The following IDUA variants were observed in gnomAD, a reference collection of about 807,000 sequenced individuals.
IDUA encodes the protein iduronidase alpha-L-.
IDUA carries 65 observed loss-of-function variants against 68.9 expected under a neutral mutation model. The observed-to-expected ratio is 0.94, with a 90% confidence interval of 0.77 to 1.16. The LOEUF is 1.16. Among genes scored for constraint, IDUA ranks in the 50% most tolerant of loss-of-function variants. The pLI is 0.00. For missense variants in IDUA, 1,046 were observed against 938.0 expected, an observed-to-expected ratio of 1.12 and a Z score of -1.50; for synonymous variants, 529 against 433.6, an observed-to-expected ratio of 1.22 and a Z score of -2.73.
intron 2 of IDUA, among the ~76,000 whole-genome samples, chr4:996,789 A>T (rs1398325881): frequency 6.6e-6 from 1 of 152,130 alleles, no homozygotes; most frequent in Non-Finnish European, 1.5e-5. Flanking sequence ...CCAGGCCCAG[A>T]GGCTGAGTGC....
chr4:1,002,180 C>G lies in IDUA; in HGVS notation c.972+19C>G. On this transcript the variant is annotated intron_variant, in intron 7 of 13. Transcript: ENST00000514224. ...GGTGAAGGTGGGCCGGCCCAACGCC[C>G]TGCGCGCCCCCCGGCCACCTTCCTC... 1 of 1,558,644 alleles carries G rather than the reference C, an allele frequency of 6.4e-7. No homozygotes were observed. Among genetic ancestry groups the G allele is most frequent in the South Asian group, 1.2e-5 (1 of 85,046 alleles).
intron 2 of IDUA, chr4:992,065 T>G: frequency 3.7e-6 from 2 of 545,686 alleles, no homozygotes; most frequent in Non-Finnish European, 7.1e-6. Flanking sequence ...GGTTCCTGGC[T>G]GAAAACCACC....
At chr4:988,008 G>T in intron 2 of IDUA, 59 bp downstream of exon 2, 1 of 1,518,124 alleles carries the variant, frequency 6.6e-7, no homozygotes, top group South Asian at 1.2e-5. Context: ...CAGATGGGAG[G>T]GGAGGGCTGG....
At chr4:991,895 G>C in intron 2 of IDUA, 2 of 1,252,868 alleles carry the variant, frequency 1.6e-6, no homozygotes, top group South Asian at 2.6e-5. Flanking sequence ...CCCCTGCCCG[G>C]TATGGATGGA....
chr4:997,836 C>G (rs983610686), intron 2 of IDUA, among the ~76,000 whole-genome samples: 2 of 152,208 alleles, frequency 1.3e-5, no homozygotes, highest in Non-Finnish European at 2.9e-5. Context: ...CCCCTCGCTG[C>G]GAGGCTGGCC....
At chr4:987,630 T>TC in intron 1 of IDUA, 179 bp from the exon 2 acceptor site, 1 of 1,444,162 alleles carries the variant, frequency 6.9e-7, no homozygotes, top group South Asian at 1.4e-5. Context: ...CTGCTGCCGT[T>TC]CCCCATGAAG....
rs531374958 is a variant in IDUA, at chr4:987,932, G to A, written c.282G>A (p.Leu94=). Residue 94 remains leucine (L), a synonymous_variant, in exon 2 of 14, where the codon CTG becomes CTA. Coordinates refer to ENST00000514224, the MANE Select transcript of IDUA (RefSeq NM_000203.5). ...GIKQVRTHWL[L]ELVTTRGSTG... ...AGCAGGTCCGGACCCACTGGCTGCT[G>A]GAGCTTGTCACCACCAGGTGGGCGG... 5 of 1,589,994 alleles carry A rather than the reference G, an allele frequency of 3.1e-6. No individual in the cohort carries two copies. The East Asian group carries it at 6.9e-5, about 22-fold the overall frequency.
chr4:991,722 G>A (rs755113246), intron 2 of IDUA: 17 of 1,534,030 alleles, frequency 1.1e-5, no homozygotes, highest in Middle Eastern at 1.7e-4. Context: ...GTCAGGTCCC[G>A]TGGCCGACCT....
At chr4:999,220 A>G (rs1325932212) in intron 2 of IDUA, among the ~76,000 whole-genome samples, 5 of 150,798 alleles carry the variant, frequency 3.3e-5, no homozygotes, top group African/African-American at 9.8e-5. Context: ...AAAAAAAAAG[A>G]AAAAAGAAAA....
intron 2 of IDUA, among the ~76,000 whole-genome samples, chr4:998,486 C>T (rs62294520): frequency 0.025 from 3,766 of 152,250 alleles, 71 homozygotes; most frequent in East Asian, 0.037. Flanking sequence ...CACTGCCCCA[C>T]GGGCAGCTGT....
rs931036148 is a variant in IDUA, at chr4:987,628, G to A, written c.159-181G>A. ...GGCCCCTCGTCTTACTGCTGCTGCC[G>A]TTCCCCATGAAGATGGGACCTCCCC... is the stretch of plus-strand genomic sequence containing the variant. On this transcript the variant is annotated intron_variant, in intron 1 of 13. Transcript: ENST00000514224. 1.2e-5 allele frequency: 17 copies of A among 1,442,892 alleles called. No individual in the cohort carries two copies. In the South Asian group the frequency reaches 1.6e-4, roughly 13 times the overall value. The allele number at this position is 1,442,892 out of a possible 1,614,324, so 89.4% of individuals were successfully genotyped here.
chr4:1,000,791 A>T (rs1715025146), intron 3 of IDUA, 91 bp from the exon 4 acceptor site: 1 of 1,472,428 alleles, frequency 6.8e-7, no homozygotes, highest in Non-Finnish European at 9.5e-7. Context: ...TTGGATGTCC[A>T]TTCAGGGCTG....
rs150523349 is a variant in IDUA at position 1,002,713 on chromosome 4, G to GCCC, written c.1190-12_1190-10dup. On this transcript the variant is annotated intron_variant, in intron 8 of 13. Coordinates refer to ENST00000514224, the MANE Select transcript of IDUA (RefSeq NM_000203.5). The stretch of plus-strand genomic sequence containing the variant: ...TGGGCAACGACCCCACGCGGCGACG[G>GCCC]CCCCCCCCCGCCCCGCAGATGAGGA... 7 of 1,364,560 alleles carry GCCC rather than the reference G, an allele frequency of 5.1e-6. No individual in the cohort carries two copies. The South Asian group carries it at 5.5e-5, about 11-fold the overall frequency. The allele number at this position is 1,364,560 out of a possible 1,614,324, so 84.5% of individuals were successfully genotyped here. A position where few individuals can be genotyped will look rare whatever the true frequency, so the allele number is the denominator to read the frequency against.
chr4:989,271 C>T lies in IDUA; in HGVS notation c.299+1322C>T, dbSNP rs376909897. ...CCAGCCCCGTGAGGCTGTAGAGTGA[C>T]TGCAGGAAGAAGTCCTTGTTGGCAT... On this transcript the variant is annotated intron_variant, in intron 2 of 13. Transcript: ENST00000514224. 2.9e-5 allele frequency: 47 copies of T among 1,612,610 alleles called. No individual in the cohort carries two copies. The highest frequency in any genetic ancestry group is 3.6e-5 in the Non-Finnish European group (42 of 1,179,896).
intron 2 of IDUA, chr4:989,935 G>T: frequency 2.6e-6 from 4 of 1,557,274 alleles, no homozygotes; most frequent in Non-Finnish European, 3.5e-6. Flanking sequence ...CATCAGCCTG[G>T]GCTCTGGGAC....
rs2153021609 is a variant in IDUA, at chr4:1,000,613, G to A, written c.301G>A (p.Gly101Arg). 1 of 1,611,774 alleles carries A rather than the reference G, an allele frequency of 6.2e-7. No homozygotes were observed. The highest frequency in any genetic ancestry group is 1.7e-5 in the Admixed American group (1 of 60,026). ...HWLLELVTTRGSTGRGLSYNF... is the reference protein window; with the variant it reads ...HWLLELVTTRRSTGRGLSYNF... ...CTGACGCTGACCGTCCTTCTGCAGG[G>A]GGTCCACTGGACGGGGCCTGAGCTA... Residue 101 changes from glycine to arginine, a missense_variant and splice_region_variant, in exon 3 of 14, where the codon GGG (glycine) becomes AGG (arginine). Coordinates refer to ENST00000514224, the MANE Select transcript of IDUA (RefSeq NM_000203.5).
At chr4:991,554 C>T in intron 2 of IDUA, 3 of 1,604,886 alleles carry the variant, frequency 1.9e-6, no homozygotes, top group Non-Finnish European at 2.5e-6. Flanking sequence ...GCAGGTCCTG[C>T]ACCAGCGCCC....
chr4:1,000,902 G>A lies in IDUA; in HGVS notation c.406G>A (p.Ala136Thr), dbSNP rs112571714. 133 of 1,613,320 alleles carry A rather than the reference G, an allele frequency of 8.2e-5. No individual in the cohort carries two copies. The highest frequency in any genetic ancestry group is 5.2e-4 in the Admixed American group (31 of 60,030). The change falls in exon 4 of 14, where the codon GCC becomes ACC. Residue 136 changes from alanine to threonine, a missense_variant. Physicochemically the swap from Ala to Thr is moderately conservative, Grantham distance 58 (BLOSUM62 0). Transcript: ENST00000514224. ...LLPGFELMGSASGHFTDFEDK... is the reference protein window; with the variant it reads ...LLPGFELMGSTSGHFTDFEDK... ...TCCAGGGTTTGAGCTGATGGGCAGC[G>A]CCTCGGGCCACTTCACTGACTTTGA...
chr4:989,583 C>T (rs1714066207), intron 2 of IDUA: 1 of 1,597,994 alleles, frequency 6.3e-7, no homozygotes, highest in Non-Finnish European at 8.5e-7. Flanking sequence ...TGCGCAGGGC[C>T]CCCCGCAGGC....
Sources: gnomAD v4.1 joint callset for allele counts (sites outside exome capture counted in the v4.1 genomes callset) on GRCh38, gnomAD v4.1.1 for gene constraint, MANE v1.5 for transcripts, NCBI Gene and HGNC (gene_info 2026-07-23, HGNC 2026-07-21) for gene names.